The following SLC24A2 variants were observed in gnomAD, a reference collection of about 807,000 sequenced individuals.
The protein encoded by SLC24A2 is solute carrier family 24 member 2, also known as sodium/potassium/calcium exchanger 2.
In SLC24A2, 36 loss-of-function variants were observed where a neutral mutation model predicts 62.0. The observed-to-expected ratio is 0.58, with a 90% confidence interval of 0.44 to 0.77. SLC24A2 has a LOEUF of 0.77. Among genes scored for constraint, SLC24A2 ranks in the 30% least tolerant of loss-of-function variants. The pLI is 0.00. For missense variants in SLC24A2, 846 were observed against 817.9 expected, an observed-to-expected ratio of 1.03 and a Z score of -0.42; for synonymous variants, 358 against 294.0, an observed-to-expected ratio of 1.22 and a Z score of -2.23.
At chr9:19,907,004 C>T in the SLC24A2 span, among the ~76,000 whole-genome samples, 1 of 152,160 alleles carries the variant, frequency 6.6e-6, no homozygotes, top group African/African-American at 2.4e-5. Flanking sequence ...GATACCAAAG[C>T]CTGGCAGAGA....
chr9:19,751,807 C>A (rs925049745), intron 2 of SLC24A2, among the ~76,000 whole-genome samples: 1 of 152,114 alleles, frequency 6.6e-6, no homozygotes, highest in South Asian at 2.1e-4. Context: ...GAGGATCAGA[C>A]GTAGGAAGGG....
chr9:20,056,129 G>A, the SLC24A2 span, among the ~76,000 whole-genome samples: 3 of 151,994 alleles, frequency 2.0e-5, no homozygotes, highest in African/African-American at 7.3e-5. Flanking sequence ...AGAAGTTGTG[G>A]GATTTAAATG....
At chr9:20,251,894 T>C in the SLC24A2 span, among the ~76,000 whole-genome samples, 1 of 152,202 alleles carries the variant, frequency 6.6e-6, no homozygotes, top group Non-Finnish European at 1.5e-5. Flanking sequence ...TGCTCCACAA[T>C]GTCCAGAGGT....
At chr9:19,821,065 AGTG>A in the SLC24A2 span, among the ~76,000 whole-genome samples, 3 of 152,034 alleles carry the variant, frequency 2.0e-5, no homozygotes, top group African/African-American at 4.8e-5. Flanking sequence ...AAATTTTTTT[AGTG>A]GATAGTTTCT....
At chr9:19,637,642 G>GT (rs1329584952) in intron 2 of SLC24A2, among the ~76,000 whole-genome samples, 3 of 152,218 alleles carry the variant, frequency 2.0e-5, no homozygotes, top group African/African-American at 7.2e-5. Flanking sequence ...AGTGCGTGGT[G>GT]TTTTTAAGTA....
the SLC24A2 span, among the ~76,000 whole-genome samples, chr9:20,077,777 A>T: frequency 6.6e-6 from 1 of 152,200 alleles, no homozygotes; most frequent in Admixed American, 6.5e-5. Flanking sequence ...TCTGATTCCC[A>T]AGTCATCCCT....
intron 4 of SLC24A2, among the ~76,000 whole-genome samples, chr9:19,614,692 C>T (rs978396391): frequency 2.6e-5 from 4 of 151,950 alleles, no homozygotes. Context: ...CTTGGTCTTC[C>T]TGGAAGGTTT....
chr9:19,698,920 G>A (rs753540860), intron 2 of SLC24A2, among the ~76,000 whole-genome samples: 9 of 152,184 alleles, frequency 5.9e-5, no homozygotes, highest in Non-Finnish European at 1.2e-4. Context: ...GCACAGAGAG[G>A]TGAGAGAACT....
At chr9:19,969,578 G>T in the SLC24A2 span, among the ~76,000 whole-genome samples, 3 of 152,144 alleles carry the variant, frequency 2.0e-5, no homozygotes, top group South Asian at 2.1e-4. Context: ...TCTAATTTAA[G>T]ATTTAGCTAC....
the SLC24A2 span, among the ~76,000 whole-genome samples, chr9:19,797,458 G>A: frequency 1.3e-5 from 2 of 152,138 alleles, no homozygotes; most frequent in African/African-American, 2.4e-5. Flanking sequence ...TACGAATCAG[G>A]CATTAAAATG....
chr9:20,037,247 GACTATGTAAAT>G, the SLC24A2 span, among the ~76,000 whole-genome samples: 1 of 152,096 alleles, frequency 6.6e-6, no homozygotes, highest in Non-Finnish European at 1.5e-5. Context: ...ACAATGTAAA[GACTATGTAAAT>G]ATTGTTTGCA....
chr9:19,621,284 C>A (rs748003867), intron 3 of SLC24A2, among the ~76,000 whole-genome samples: 11 of 152,128 alleles, frequency 7.2e-5, no homozygotes, highest in Non-Finnish European at 1.6e-4. Context: ...ATTACTGGTG[C>A]CTCAATGGTG....
At chr9:19,566,944 A>T (rs1835675256) in intron 7 of SLC24A2, among the ~76,000 whole-genome samples, 1 of 147,926 alleles carries the variant, frequency 6.8e-6, no homozygotes. Flanking sequence ...GGAACATCAC[A>T]CACCGGGGCC....
the SLC24A2 span, among the ~76,000 whole-genome samples, chr9:19,969,450 C>G: frequency 6.6e-6 from 1 of 152,170 alleles, no homozygotes; most frequent in Non-Finnish European, 1.5e-5. Flanking sequence ...CAAAAAAATT[C>G]CACACTCCCT....
At chr9:20,263,857 A>ACCCC in the SLC24A2 span, among the ~76,000 whole-genome samples, 25 of 22,258 alleles carry the variant, frequency 1.1e-3, no homozygotes, top group Non-Finnish European at 1.5e-3. Flanking sequence ...TGGATATCCC[A>ACCCC]CCCGCCCCCC....
At chr9:19,650,166 G>A (rs1426198065) in intron 2 of SLC24A2, among the ~76,000 whole-genome samples, 1 of 152,188 alleles carries the variant, frequency 6.6e-6, no homozygotes, top group Non-Finnish European at 1.5e-5. Context: ...CTCAACAAAT[G>A]TAAGCTTTTA....
At chr9:19,534,357 T>G (rs1833855087) in intron 8 of SLC24A2, among the ~76,000 whole-genome samples, 1 of 152,198 alleles carries the variant, frequency 6.6e-6, no homozygotes, top group Admixed American at 6.5e-5. Context: ...TTTGTCTTTG[T>G]ATCTCTTTTT....
At chr9:19,672,046 T>C (rs1038283465) in intron 2 of SLC24A2, among the ~76,000 whole-genome samples, 1 of 146,232 alleles carries the variant, frequency 6.8e-6, no homozygotes, top group Non-Finnish European at 1.5e-5. Context: ...CTGGCTTTGG[T>C]ATTAGGGTGA....
At chr9:19,675,720 C>T (rs1351776501) in intron 2 of SLC24A2, among the ~76,000 whole-genome samples, 1 of 152,110 alleles carries the variant, frequency 6.6e-6, no homozygotes. Flanking sequence ...CACAAAAGCA[C>T]CAAGTTTATT....
Sources: gnomAD v4.1 joint callset for allele counts (sites outside exome capture counted in the v4.1 genomes callset) on GRCh38, gnomAD v4.1.1 for gene constraint, MANE v1.5 for transcripts, NCBI Gene and HGNC (gene_info 2026-07-23, HGNC 2026-07-21) for gene names.